KCNQ5: variants seen among roughly 807,000 people sequenced by gnomAD.
KCNQ5 encodes the protein potassium voltage-gated channel subfamily KQT member 5.
In KCNQ5, 30 loss-of-function variants were observed where a neutral mutation model predicts 98.2. The ratio of observed to expected loss-of-function variants is 0.31; its 90% CI spans 0.23 to 0.41. KCNQ5 has a LOEUF of 0.41. KCNQ5 is among the 10% of genes least tolerant of loss of function. The probability of loss-of-function intolerance (pLI) is 1.00; values close to 1 mark genes in which losing one functional copy is unlikely to be tolerated. For synonymous variants in KCNQ5, 458 were observed against 449.4 expected (o/e 1.02, Z -0.24); for missense variants, 835 against 1,182.5 (o/e 0.71, Z 4.31).
intron 1 of KCNQ5, among the ~76,000 whole-genome samples, chr6:72,988,278 T>A (rs767507160): frequency 2.6e-5 from 4 of 152,114 alleles, no homozygotes; most frequent in Non-Finnish European, 4.4e-5. Flanking sequence ...AGTTCAGGGA[T>A]AAAGTAATAA....
At chr6:73,047,856 T>C (rs2150362537) in intron 3 of KCNQ5, among the ~76,000 whole-genome samples, 1 of 152,348 alleles carries the variant, frequency 6.6e-6, no homozygotes, top group East Asian at 1.9e-4. Flanking sequence ...ATTATGGTGT[T>C]ACAGAGCAAA....
intron 1 of KCNQ5, chr6:72,678,208 A>C (rs1767516797): frequency 6.6e-6 from 1 of 152,184 alleles, no homozygotes; most frequent in African/African-American, 2.4e-5. Context: ...AAATAATCCT[A>C]TAAAAGGACA....
At chr6:73,017,532 A>G (rs542983073) in intron 2 of KCNQ5, among the ~76,000 whole-genome samples, 2 of 152,286 alleles carry the variant, frequency 1.3e-5, no homozygotes, top group South Asian at 4.1e-4. Context: ...GGTTACAACT[A>G]AAGTGAGAAG....
chr6:73,019,537 C>CA (rs1770495894), intron 2 of KCNQ5, among the ~76,000 whole-genome samples: 1 of 152,114 alleles, frequency 6.6e-6, no homozygotes, highest in Non-Finnish European at 1.5e-5. Flanking sequence ...TCCCATAAAT[C>CA]AAAAGGATAA....
At chr6:72,768,964 G>A (rs1772716431) in intron 1 of KCNQ5, among the ~76,000 whole-genome samples, 1 of 152,080 alleles carries the variant, frequency 6.6e-6, no homozygotes, top group Non-Finnish European at 1.5e-5. Context: ...TGCAGTGGAG[G>A]AGAGGGAAGC....
chr6:72,900,866 C>A (rs1048158977), intron 1 of KCNQ5, among the ~76,000 whole-genome samples: 6 of 152,148 alleles, frequency 3.9e-5, no homozygotes, highest in South Asian at 4.2e-4. Flanking sequence ...GGTGGTATCA[C>A]ATGGTGGTTT....
chr6:73,146,902 G>GT (rs1238700953), intron 10 of KCNQ5, among the ~76,000 whole-genome samples: 1 of 152,044 alleles, frequency 6.6e-6, no homozygotes, highest in Non-Finnish European at 1.5e-5. Context: ...ATAAAAATTG[G>GT]TTTTTGTATG....
intron 1 of KCNQ5, among the ~76,000 whole-genome samples, chr6:72,815,083 AG>A (rs1214560081): frequency 6.6e-6 from 1 of 152,120 alleles, no homozygotes; most frequent in Non-Finnish European, 1.5e-5. Flanking sequence ...TTTTTTTTGA[AG>A]TCCTATATGA....
intron 2 of KCNQ5, among the ~76,000 whole-genome samples, chr6:73,015,545 A>G (rs1327824528): frequency 6.6e-6 from 1 of 152,114 alleles, no homozygotes; most frequent in Non-Finnish European, 1.5e-5. Context: ...GCAAACATTG[A>G]TGTCTAACCA....
At chr6:73,187,204 T>C (rs1332482511) in intron 11 of KCNQ5, among the ~76,000 whole-genome samples, 1 of 151,810 alleles carries the variant, frequency 6.6e-6, no homozygotes, top group Non-Finnish European at 1.5e-5. Context: ...GGACTACAGG[T>C]GCCCGTCACC....
At chr6:72,982,094 A>C (rs944005307) in intron 1 of KCNQ5, among the ~76,000 whole-genome samples, 10 of 152,190 alleles carry the variant, frequency 6.6e-5, no homozygotes, top group African/African-American at 1.9e-4. Flanking sequence ...CAATTTTGGA[A>C]TAAGTGTGAT....
At chr6:73,050,054 CA>C (rs899369094) in intron 3 of KCNQ5, among the ~76,000 whole-genome samples, 4 of 151,524 alleles carry the variant, frequency 2.6e-5, no homozygotes, top group Non-Finnish European at 4.4e-5. Context: ...CAAAAACAAA[CA>C]AAAAAAACTG....
At chr6:72,977,938 T>A (rs1394287445) in intron 1 of KCNQ5, among the ~76,000 whole-genome samples, 2 of 152,214 alleles carry the variant, frequency 1.3e-5, no homozygotes, top group Non-Finnish European at 2.9e-5. Flanking sequence ...ATACTACATG[T>A]TGAATGCGTC....
chr6:72,784,723 G>C (rs180959821), intron 1 of KCNQ5, among the ~76,000 whole-genome samples: 34 of 152,204 alleles, frequency 2.2e-4, no homozygotes, highest in African/African-American at 6.7e-4. Flanking sequence ...CTACTAGCAA[G>C]GCTTTTCCTT....
intron 1 of KCNQ5, among the ~76,000 whole-genome samples, chr6:72,840,968 C>G (rs919788096): frequency 5.3e-5 from 8 of 152,178 alleles, no homozygotes; most frequent in Admixed American, 3.3e-4. Flanking sequence ...GAGATGCTCA[C>G]TTAAAGCACT....
intron 10 of KCNQ5, among the ~76,000 whole-genome samples, chr6:73,166,215 G>A (rs910655945): frequency 3.3e-5 from 5 of 151,936 alleles, no homozygotes; most frequent in Non-Finnish European, 4.4e-5. Flanking sequence ...GGTAGATCAC[G>A]AGGTCAGGAG....
intron 1 of KCNQ5, among the ~76,000 whole-genome samples, chr6:72,801,977 G>A (rs1480307496): frequency 2.6e-5 from 4 of 152,092 alleles, no homozygotes; most frequent in Non-Finnish European, 5.9e-5. Context: ...TGGCTTGTAG[G>A]GTTTCTGCCG....
chr6:72,696,361 C>T lies in KCNQ5; in HGVS notation c.398+73774C>T, dbSNP rs150314983. Among the ~76,000 whole-genome samples the T allele has an allele frequency of 8.6e-3, 1,303 of 152,152 alleles. 17 individuals carry two copies. The highest frequency in any genetic ancestry group is 0.027 in the African/African-American group (1,100 of 41,498). On this transcript the variant is annotated intron_variant, in intron 1 of 13. Transcript: ENST00000370398. ...TCTACAAACAATACTTGATAAAATA[C>T]GGGTGTGAAAAAATTTTTAATATTA... is the stretch of plus-strand genomic sequence containing the variant.
At chr6:72,641,103 C>T (rs1397684922) in intron 1 of KCNQ5, among the ~76,000 whole-genome samples, 1 of 151,882 alleles carries the variant, frequency 6.6e-6, no homozygotes, top group Non-Finnish European at 1.5e-5. Context: ...GGAGTTAAAC[C>T]ATATATTGAC....
Sources: gnomAD v4.1 joint callset for allele counts (sites outside exome capture counted in the v4.1 genomes callset) on GRCh38, gnomAD v4.1.1 for gene constraint, MANE v1.5 for transcripts, NCBI Gene and HGNC (gene_info 2026-07-23, HGNC 2026-07-21) for gene names.